C16orf96: variants seen among roughly 807,000 people sequenced by gnomAD.
C16orf96 encodes the protein uncharacterized protein C16orf96.
A neutral mutation model predicts 103.6 loss-of-function variants in C16orf96; 108 were observed. The ratio of observed to expected loss-of-function variants is 1.04; its 90% CI spans 0.89 to 1.22. The LOEUF is 1.22. Among genes scored for constraint, C16orf96 ranks in the 50% most tolerant of loss-of-function variants. C16orf96 has a pLI of 0.00. For missense variants in C16orf96, 1,586 were observed against 1,464.2 expected (o/e 1.08, Z -1.36); for synonymous variants, 566 against 593.5 (o/e 0.95, Z 0.67).
chr16:4,587,655 G>C (rs1006395323), intron 8 of C16orf96, among the ~76,000 whole-genome samples: 4 of 151,268 alleles, frequency 2.6e-5, no homozygotes, highest in African/African-American at 9.7e-5. Flanking sequence ...CACATCAGCT[G>C]TGCACAGGGT....
At chr16:4,547,689 C>CTTCCTTCCTTCCTTCCTTCTTTCT in the C16orf96 span, among the ~76,000 whole-genome samples, 38 of 22,566 alleles carry the variant, frequency 1.7e-3, no homozygotes, top group African/African-American at 3.4e-3. Context: ...TCCTTCCTTC[C>CTTCCTTCCTTCCTTCCTTCTTTCT]TTCTTTCTTT....
At chr16:4,580,899 C>T (rs370602881) in intron 7 of C16orf96, among the ~76,000 whole-genome samples, 34 of 150,848 alleles carry the variant, frequency 2.3e-4, no homozygotes, top group East Asian at 5.9e-4. Context: ...CTGAGGTGGG[C>T]GGATCATCTG....
chr16:4,562,254 C>T (rs1033271007), intron 1 of C16orf96, among the ~76,000 whole-genome samples: 2 of 151,952 alleles, frequency 1.3e-5, no homozygotes, highest in African/African-American at 4.8e-5. Context: ...GTGGGAGGAT[C>T]GCTTGAGCCC....
rs1046739166 is a variant in C16orf96 at position 4,575,541 on chromosome 16, C to T, written c.1061C>T (p.Pro354Leu). 8.4e-6 allele frequency: 13 copies of T among 1,541,598 alleles called. No homozygotes were observed. In the Admixed American group the frequency reaches 2.2e-4, roughly 26 times the overall value. ...LEPVPALGPVPGPSVTPGSLP... is the reference protein window; with the variant it reads ...LEPVPALGPVLGPSVTPGSLP... ...CCTGTGCCTGCCCTGGGGCCTGTCC[C>T]AGGGCCCAGTGTGACACCTGGGTCC... The change falls in exon 5 of 16, where the codon CCA becomes CTA. Residue 354 changes from proline (P) to leucine (L), a missense_variant. Pro to Leu is a moderately conservative substitution (Grantham distance 98, BLOSUM62 -3). Transcript: ENST00000444310.
chr16:4,554,333 C>T (rs532239023), upstream of C16orf96, among the ~76,000 whole-genome samples: 8 of 151,994 alleles, frequency 5.3e-5, no homozygotes, highest in South Asian at 2.1e-4. Context: ...GAAAGGACAA[C>T]GCCCTTTTTT....
chr16:4,567,763 A>G (rs1276138640), intron 1 of C16orf96, among the ~76,000 whole-genome samples: 2 of 116,996 alleles, frequency 1.7e-5, no homozygotes, highest in East Asian at 5.7e-4. Flanking sequence ...CAATGGCATG[A>G]CCTTGGCTCA....
intron 5 of C16orf96, among the ~76,000 whole-genome samples, chr16:4,577,753 C>T (rs987628226): frequency 6.6e-6 from 1 of 152,054 alleles, no homozygotes; most frequent in African/African-American, 2.4e-5. Context: ...GTCAGGAGTT[C>T]GAGACCAGCC....
the C16orf96 span, among the ~76,000 whole-genome samples, chr16:4,548,224 G>A: frequency 1.1e-4 from 16 of 152,090 alleles, no homozygotes; most frequent in African/African-American, 3.4e-4. Flanking sequence ...AGGAGCCCAC[G>A]GCTGTCCTGA....
chr16:4,575,644 A>C lies in C16orf96; in HGVS notation c.1164A>C (p.Ala388=). Residue 388 remains alanine, a synonymous_variant, in exon 5 of 16, where the codon GCA becomes GCC. Transcript: ENST00000444310. The part of the protein sequence containing the change: ...AQPPPLGDWP[A]LPRRWPLPQG... ...CTCCACCACTGGGAGACTGGCCTGC[A>C]CTCCCAAGACGCTGGCCTCTTCCCC... 6.5e-7 allele frequency: 1 copy of C among 1,532,822 alleles called. No individual in the cohort carries two copies. The highest frequency in any genetic ancestry group is 8.8e-7 in the Non-Finnish European group (1 of 1,138,746). 95.0% of individuals were successfully genotyped at this position (1,532,822 alleles called of 1,614,324 possible).
At chr16:4,574,911 G>A (rs1182560128) in intron 3 of C16orf96, 61 bp from the exon 4 acceptor site, 34 of 1,528,592 alleles carry the variant, frequency 2.2e-5, no homozygotes, top group Non-Finnish European at 2.8e-5. Context: ...TTTCTTTGCA[G>A]GTGTGGGGGA....
At chr16:4,558,528 C>T (rs1267528948) in intron 1 of C16orf96, among the ~76,000 whole-genome samples, 1 of 152,066 alleles carries the variant, frequency 6.6e-6, no homozygotes, top group Non-Finnish European at 1.5e-5. Flanking sequence ...GGGAGAATCA[C>T]TTAACCCCAG....
At chr16:4,595,595 G>A (rs1195789201) in intron 14 of C16orf96, among the ~76,000 whole-genome samples, 1 of 152,176 alleles carries the variant, frequency 6.6e-6, no homozygotes, top group Non-Finnish European at 1.5e-5. Context: ...TCTAAATTTT[G>A]CCCCTGGGTG....
intron 7 of C16orf96, among the ~76,000 whole-genome samples, chr16:4,582,285 AAAATAAATAAATAAATAAATAAAT>A (rs140485410): frequency 2.0e-5 from 3 of 149,224 alleles, no homozygotes; most frequent in African/African-American, 2.5e-5. Flanking sequence ...TCAGTCTCAA[AAAATAAATAAATAAATAAATAAAT>A]AAATAAATAA....
chr16:4,549,697 C>T, the C16orf96 span, among the ~76,000 whole-genome samples: 1 of 151,978 alleles, frequency 6.6e-6, no homozygotes, highest in South Asian at 2.1e-4. Flanking sequence ...ACTTGGGAGG[C>T]TGAGGCAGGA....
upstream of C16orf96, among the ~76,000 whole-genome samples, chr16:4,551,596 C>T (rs2141681281): frequency 6.6e-6 from 1 of 152,224 alleles, no homozygotes; most frequent in South Asian, 2.1e-4. Context: ...GGACTACAGG[C>T]ACCCGCCACC....
intron 12 of C16orf96, 27 bp from the exon 13 acceptor site, chr16:4,594,324 C>A: frequency 6.5e-7 from 1 of 1,547,056 alleles, no homozygotes; most frequent in South Asian, 1.2e-5. Flanking sequence ...GTCTCCAGGT[C>A]GCTGCTGACC....
chr16:4,578,481 C>T (rs890302610), intron 5 of C16orf96, among the ~76,000 whole-genome samples: 2 of 151,940 alleles, frequency 1.3e-5, no homozygotes, highest in Admixed American at 6.6e-5. Flanking sequence ...ACTAATAGGC[C>T]GGGTGCGGTA....
Position 4,571,562 on chromosome 16 carries a change from C to A in C16orf96, c.422C>A (p.Ser141Ter). The A allele has an allele frequency of 6.4e-7, 1 of 1,551,698 alleles. No homozygotes were observed. Among genetic ancestry groups the A allele is most frequent in the Admixed American group, 2.0e-5 (1 of 50,918 alleles). Residue 141 changes from serine (S) to a stop codon, truncating the protein, a stop_gained and splice_region_variant, in exon 2 of 16, where the codon TCA (serine) becomes TAA (stop). Coordinates refer to ENST00000444310, the MANE Select transcript of C16orf96 (RefSeq NM_001145011.2). LOFTEE classifies it high-confidence loss of function. ...ACATTTTCTCCTCCTCTTTTGCAGT[C>A]AATGCAGACCCTGCAGGACTTGCTC... The part of the protein sequence containing the change: ...VEGHDEVMAK[S>*]MQTLQDLLTD...
At chr16:4,574,577 C>G (rs1189502852) in intron 2 of C16orf96, 132 bp from the exon 3 acceptor site, 13 of 713,052 alleles carry the variant, frequency 1.8e-5, no homozygotes, top group Admixed American at 1.1e-4. Flanking sequence ...GAACCCTTTC[C>G]CACTCCTTGG....
Sources: gnomAD v4.1 joint callset for allele counts (sites outside exome capture counted in the v4.1 genomes callset) on GRCh38, gnomAD v4.1.1 for gene constraint, MANE v1.5 for transcripts, NCBI Gene and HGNC (gene_info 2026-07-23, HGNC 2026-07-21) for gene names.